Variants in GNG4 observed in about 807,000 individuals in gnomAD.
GNG4 encodes the protein G protein subunit gamma 4.
In GNG4, 4 loss-of-function variants were observed where a neutral mutation model predicts 5.8. That is an observed-to-expected ratio of 0.69 (90% confidence interval 0.34 to 1.57). The LOEUF (loss-of-function observed/expected upper bound fraction) is 1.57, where lower values mean the gene tolerates loss of function less well. Among genes scored for constraint, GNG4 ranks in the 40% most tolerant of loss-of-function variants. The pLI, the probability that GNG4 is intolerant of heterozygous loss-of-function variation, is 0.06. For missense variants in GNG4, 96 were observed against 95.1 expected (o/e 1.01, Z -0.04); for synonymous variants, 29 against 32.9 (o/e 0.88, Z 0.41).
chr1:235,650,384 G>C (rs1188503722), upstream of GNG4, among the ~76,000 whole-genome samples: 2 of 151,640 alleles, frequency 1.3e-5, no homozygotes, highest in Non-Finnish European at 2.9e-5. Context: ...GTCTGGGGAC[G>C]GGGCCGCGGT....
chr1:235,624,744 C>T (rs1474049181), intron 1 of GNG4, among the ~76,000 whole-genome samples: 4 of 152,102 alleles, frequency 2.6e-5, no homozygotes, highest in African/African-American at 9.7e-5. Flanking sequence ...ATTTTTTTAG[C>T]GCTAAGACAG....
intron 3 of GNG4, among the ~76,000 whole-genome samples, chr1:235,582,206 C>T (rs1271428407): frequency 6.6e-6 from 1 of 152,238 alleles, no homozygotes; most frequent in African/African-American, 2.4e-5. Context: ...TACCTCCTCA[C>T]CTCTGACAAC....
Position 235,620,857 on chromosome 1 carries a change from G to A in GNG4, c.-122-25346C>T, listed in dbSNP as rs75192350. On this transcript the variant is annotated intron_variant, in intron 1 of 3. Coordinates refer to ENST00000391854, the MANE Select transcript of GNG4 (RefSeq NM_001098722.2). ...GCCAAATGTGCTGTTTTAAGCATTTGTACATCTAGAAGTCTAAGGAATAGC... is the reference window on the plus strand; with the variant it reads ...GCCAAATGTGCTGTTTTAAGCATTTATACATCTAGAAGTCTAAGGAATAGC... Among the ~76,000 whole-genome samples the A allele has an allele frequency of 2.2e-4, 33 of 152,292 alleles. 1 individual carries two copies. In the East Asian group the frequency reaches 6.0e-3, roughly 28 times the overall value.
At chr1:235,584,040 C>G (rs1029958764) in intron 2 of GNG4, among the ~76,000 whole-genome samples, 192 bp from the exon 3 acceptor site, 1 of 152,174 alleles carries the variant, frequency 6.6e-6, no homozygotes, top group African/African-American at 2.4e-5. Context: ...AGACATGATG[C>G]TTTTGTTTGG....
chr1:235,553,380 G>A (rs1686805109), intron 3 of GNG4, among the ~76,000 whole-genome samples: 1 of 152,136 alleles, frequency 6.6e-6, no homozygotes, highest in South Asian at 2.1e-4. Flanking sequence ...GTATTTATTA[G>A]CGGATTACAG....
intron 1 of GNG4, among the ~76,000 whole-genome samples, chr1:235,610,213 T>A (rs555973902): frequency 9.9e-5 from 15 of 152,240 alleles, no homozygotes; most frequent in African/African-American, 3.1e-4. Flanking sequence ...AGAACACCCC[T>A]CAATTCGGGC....
intron 2 of GNG4, among the ~76,000 whole-genome samples, chr1:235,585,792 G>A (rs2774337): frequency 0.41 from 62,378 of 151,972 alleles, 13,696 homozygotes; most frequent in East Asian, 0.79. Context: ...TTACTTTTGT[G>A]ATATATTACC....
Position 235,548,121 on chromosome 1 carries a change from AGT to A in GNG4, c.*3986_*3987del, listed in dbSNP as rs1686628871. The A allele has an allele frequency of 6.6e-6, 1 of 152,060 alleles. No homozygotes were observed. Among genetic ancestry groups the A allele is most frequent in the Non-Finnish European group, 1.5e-5 (1 of 68,058 alleles). The allele number at this position is 152,060 out of a possible 1,614,324, so 9.4% of individuals were successfully genotyped here. ...TTTCCTGTTCGGGGTTATTATGGAG[AGT>A]GTTTTTGTGAAGATTTAGAGCATGT... On this transcript the variant is annotated 3_prime_UTR_variant, in exon 4 of 4. Transcript: ENST00000391854.
intron 2 of GNG4, among the ~76,000 whole-genome samples, chr1:235,593,901 A>T (rs1376078891): frequency 3.9e-5 from 6 of 152,224 alleles, no homozygotes; most frequent in African/African-American, 9.6e-5. Context: ...GCAAAAGAAC[A>T]AAGCCTGCAC....
chr1:235,594,008 ATTTTACAGAGAGCTGATTGGTCTG>A (rs1480160428), intron 2 of GNG4, among the ~76,000 whole-genome samples: 5 of 152,110 alleles, frequency 3.3e-5, no homozygotes, highest in South Asian at 2.1e-4. Flanking sequence ...TGAATGGTCC[ATTTTACAGAGAGCTGATTGGTCTG>A]TTTTACAGAG....
At position 235,648,369 on chromosome 1, in the gene GNG4, A is replaced by C. The variant is rs375639294; in HGVS notation, c.-123+1293T>G. On this transcript the variant is annotated intron_variant, in intron 1 of 3. Coordinates refer to ENST00000391854, the MANE Select transcript of GNG4 (RefSeq NM_001098722.2). The surrounding 1 kb of genome is among the most constrained non-coding windows in gnomAD (Gnocchi z 5.0). ...TGACCGGTCACTGAGCAAACCCTAC[A>C]TTTCAAAAACAATCCAGTTTATAGG... Among the ~76,000 whole-genome samples the C allele has an allele frequency of 1.3e-5, 2 of 152,254 alleles. No homozygotes were observed. Among genetic ancestry groups the C allele is most frequent in the South Asian group, 4.1e-4 (2 of 4,826 alleles).
In GNG4 at chr1:235,612,805, G is replaced by A. The variant is rs537025438; in HGVS notation, c.-122-17294C>T. On this transcript the variant is annotated intron_variant, in intron 1 of 3. Transcript: ENST00000391854. Reference sequence around the variant, plus strand: ...CCCAAAGTGCTGGGATCACAGGCATGAGCCATCATGCCCGTCCTGGGTAGC... The same window carrying A: ...CCCAAAGTGCTGGGATCACAGGCATAAGCCATCATGCCCGTCCTGGGTAGC... Among the ~76,000 whole-genome samples, 33 of 152,326 alleles carry A rather than the reference G, an allele frequency of 2.2e-4. No individual in the cohort carries two copies. In the East Asian group the frequency reaches 6.4e-3, roughly 29 times the overall value.
At position 235,603,980 on chromosome 1, in the gene GNG4, C is replaced by T. The variant is rs986090129; in HGVS notation, c.-122-8469G>A. Among the ~76,000 whole-genome samples the T allele has an allele frequency of 2.1e-4, 32 of 152,108 alleles. 1 individual carries two copies. The highest frequency in any genetic ancestry group is 1.9e-4 in the Non-Finnish European group (13 of 68,014). The stretch of plus-strand genomic sequence containing the variant: ...CGTGGGACCCTTCACGCTATCCACT[C>T]CCTCACCTAGCTGGCCACCCAGACA... On this transcript the variant is annotated intron_variant, in intron 1 of 3. Coordinates refer to ENST00000391854, the MANE Select transcript of GNG4 (RefSeq NM_001098722.2).
chr1:235,593,587 G>C (rs1393406318), intron 2 of GNG4, among the ~76,000 whole-genome samples: 1 of 152,228 alleles, frequency 6.6e-6, no homozygotes, highest in African/African-American at 2.4e-5. Flanking sequence ...CGCGCCGTGA[G>C]TGTTACAATT....
intron 1 of GNG4, among the ~76,000 whole-genome samples, chr1:235,619,909 A>C (rs1266981099): frequency 6.6e-6 from 1 of 152,252 alleles, no homozygotes; most frequent in Non-Finnish European, 1.5e-5. Context: ...GTACTAAGTT[A>C]GAGTTAGCAG....
chr1:235,588,596 AC>A (rs113259379), intron 2 of GNG4, among the ~76,000 whole-genome samples: 1,522 of 146,736 alleles, frequency 0.01, 23 homozygotes, highest in African/African-American at 0.034. Context: ...TGCTGGAGAG[AC>A]CCCCCCCACT....
At chr1:235,634,757 ACATGGAGAAAC>A (rs1304544198) in intron 1 of GNG4, among the ~76,000 whole-genome samples, 1 of 151,056 alleles carries the variant, frequency 6.6e-6, no homozygotes, top group Admixed American at 6.6e-5. Context: ...AGCCTGACCA[ACATGGAGAAAC>A]CCTGTTTCTA....
chr1:235,556,122 C>T (rs1019305938), intron 3 of GNG4, among the ~76,000 whole-genome samples: 1 of 151,924 alleles, frequency 6.6e-6, no homozygotes, highest in South Asian at 2.1e-4. Flanking sequence ...CCGCCTCGGC[C>T]TCTCAAAGTG....
chr1:235,636,372 G>T (rs1255713865), intron 1 of GNG4, among the ~76,000 whole-genome samples: 1 of 152,210 alleles, frequency 6.6e-6, no homozygotes, highest in East Asian at 1.9e-4. Context: ...CTCAGAAAAG[G>T]GGAACCCCAA....
Sources: allele counts gnomAD v4.1 joint callset (sites outside exome capture counted in the v4.1 genomes callset), GRCh38; gene constraint gnomAD v4.1.1; non-coding constraint Gnocchi (gnomAD v3.1); transcripts MANE v1.5; gene names NCBI Gene and HGNC (gene_info 2026-07-23, HGNC 2026-07-21).